Variants in ANKRD18A observed in about 807,000 individuals in gnomAD.
ANKRD18A encodes the protein ankyrin repeat domain 18A, also known as ankyrin repeat domain-containing protein 18A.
A neutral mutation model predicts 110.6 loss-of-function variants in ANKRD18A; 72 were observed. The observed-to-expected ratio is 0.65, with a 90% CI of 0.54 to 0.79. The LOEUF is 0.79. ANKRD18A is among the 30% of genes least tolerant of loss of function. The pLI is 0.00. For missense variants in ANKRD18A, 934 were observed against 1,163.3 expected, an observed-to-expected ratio of 0.80 and a Z score of 2.87; for synonymous variants, 305 against 410.3, an observed-to-expected ratio of 0.74 and a Z score of 3.10.
chr9:38,608,719 A>C (rs534940389), intron 5 of ANKRD18A, among the ~76,000 whole-genome samples: 48 of 147,192 alleles, frequency 3.3e-4, no homozygotes, highest in African/African-American at 1.2e-3. Context: ...TATAATAATT[A>C]TATAATATAT....
rs1185547814 is a variant in ANKRD18A at position 38,611,306 on chromosome 9, G to T, written c.511C>A (p.Leu171Ile). The T allele has an allele frequency of 6.6e-7, 1 of 1,525,714 alleles. No homozygotes were observed. The highest frequency in any genetic ancestry group is 8.8e-7 in the Non-Finnish European group (1 of 1,138,754). 94.5% of individuals were successfully genotyped at this position (1,525,714 alleles called of 1,614,324 possible). The change falls in exon 4 of 16, where the codon CTT becomes ATT. Residue 171 changes from leucine (L) to isoleucine (I), a missense_variant. Coordinates refer to ENST00000399703, the MANE Select transcript of ANKRD18A (RefSeq NM_147195.4). ...EALNKEGNTP[L>I]LFAINSRRQH... is the part of the protein sequence containing the mutation. ...CTCCTGGAATTTATAGCAAACAAAA[G>T]TGGAGTGTTTCCCTCCTGTAAGAAA...
At chr9:38,599,559 G>A (rs1156320851) in intron 8 of ANKRD18A, among the ~76,000 whole-genome samples, 2 of 151,894 alleles carry the variant, frequency 1.3e-5, no homozygotes, top group African/African-American at 4.8e-5. Context: ...CTGCCTCTCA[G>A]GTTCAAGCAA....
intron 12 of ANKRD18A, among the ~76,000 whole-genome samples, chr9:38,580,209 C>T (rs1340268854): frequency 6.6e-6 from 1 of 152,172 alleles, no homozygotes; most frequent in Non-Finnish European, 1.5e-5. Flanking sequence ...AGTTCCAGAG[C>T]AGCCTGAACA....
intron 1 of ANKRD18A, among the ~76,000 whole-genome samples, chr9:38,619,548 T>C (rs1015031841): frequency 6.6e-6 from 1 of 152,238 alleles, no homozygotes; most frequent in Non-Finnish European, 1.5e-5. Flanking sequence ...GTAAGATAGA[T>C]AGCAAGTGTC....
chr9:38,584,703 A>G lies in ANKRD18A; in HGVS notation c.2247+1480T>C, dbSNP rs1301975393. Among the ~76,000 whole-genome samples the G allele has an allele frequency of 2.0e-5, 3 of 152,312 alleles. No individual in the cohort carries two copies. In the East Asian group the frequency reaches 5.8e-4, roughly 29 times the overall value. ...TTTGTAAGGAAAAATATATACATAC[A>G]TATATTTTAAAGTATCTTTTTATTA... is the stretch of plus-strand genomic sequence containing the variant. On this transcript the variant is annotated intron_variant, in intron 12 of 15. Coordinates refer to ENST00000399703, the MANE Select transcript of ANKRD18A (RefSeq NM_147195.4).
chr9:38,566,740 TC>T (rs1185003316), downstream of ANKRD18A: 1 of 152,180 alleles, frequency 6.6e-6, no homozygotes, highest in African/African-American at 2.4e-5. Context: ...AATCTTTCAA[TC>T]TTTGTGCAAG....
intron 9 of ANKRD18A, 77 bp from the exon 10 acceptor site, chr9:38,593,986 A>G (rs1191291986): frequency 7.6e-7 from 1 of 1,323,644 alleles, no homozygotes; most frequent in East Asian, 2.8e-5. Flanking sequence ...TCTAGCATAC[A>G]TACTTTGAAA....
Position 38,620,118 on chromosome 9 carries a change from G to T in ANKRD18A, c.168C>A (p.Arg56=), listed in dbSNP as rs1487045761. 9 of 1,564,724 alleles carry T rather than the reference G, an allele frequency of 5.8e-6. No individual in the cohort carries two copies. Among genetic ancestry groups the T allele is most frequent in the Non-Finnish European group, 6.9e-6 (8 of 1,154,670 alleles). Residue 56 remains arginine, a synonymous_variant, in exon 1 of 16, where the codon CGC becomes CGA. Coordinates refer to ENST00000399703, the MANE Select transcript of ANKRD18A (RefSeq NM_147195.4). ...CGCGGGCGTCCAAGTCCCGGAACCT[G>T]CGCGTCAGGCAGCGCTCCACCTCCG... ...DAAEVERCLT[R]RFRDLDARDR...
At chr9:38,599,089 T>C (rs1480420682) in intron 8 of ANKRD18A, among the ~76,000 whole-genome samples, 1 of 152,232 alleles carries the variant, frequency 6.6e-6, no homozygotes, top group African/African-American at 2.4e-5. Flanking sequence ...AACAATTCTC[T>C]TTCTTCTTCT....
intron 8 of ANKRD18A, among the ~76,000 whole-genome samples, chr9:38,597,845 T>C (rs1450491478): frequency 2.6e-5 from 4 of 152,190 alleles, no homozygotes; most frequent in African/African-American, 9.6e-5. Context: ...ACGCTACTTA[T>C]ATGATAAAAT....
chr9:38,613,652 A>C (rs3124039), intron 3 of ANKRD18A, among the ~76,000 whole-genome samples: 87,553 of 152,014 alleles, frequency 0.58, 25,873 homozygotes, highest in African/African-American at 0.71. Context: ...TTATTAAAAG[A>C]ATTCCTATTG....
chr9:38,575,341 T>C, intron 15 of ANKRD18A, 135 bp downstream of exon 15: 1 of 954,526 alleles, frequency 1.0e-6, no homozygotes. Flanking sequence ...TTCCATTTCC[T>C]TTCTGTGTTA....
At chr9:38,597,782 A>G (rs1211105404) in intron 8 of ANKRD18A, among the ~76,000 whole-genome samples, 1 of 152,200 alleles carries the variant, frequency 6.6e-6, no homozygotes, top group African/African-American at 2.4e-5. Flanking sequence ...CATAACGTAC[A>G]GGACTCAGCC....
intron 10 of ANKRD18A, 40 bp downstream of exon 10, chr9:38,593,720 G>A: frequency 6.9e-7 from 1 of 1,442,078 alleles, no homozygotes; most frequent in Non-Finnish European, 9.1e-7. Flanking sequence ...TATTCAACCA[G>A]CTACAGATTA....
rs552794561 is a variant in ANKRD18A, at chr9:38,575,657, G to A, written c.2783C>T (p.Thr928Met). Residue 928 changes from threonine (T) to methionine (M), a missense_variant, in exon 15 of 16, where the codon ACG becomes ATG. By Grantham distance (81) the Thr-to-Met change is moderately conservative. This residue lies in a region of ANKRD18A where 223 missense variants were observed against 226.7 expected (regional missense o/e 0.98). Transcript: ENST00000399703. ...KIAVISTKLF[T>M]EKQRMKYFLS... ...AAAATATTTCATCCGCTGTTTCTCC[G>A]TAAAGAGCTTGGTGCTGATCACTGC... 7.3e-5 allele frequency: 114 copies of A among 1,551,664 alleles called. No individual in the cohort carries two copies. Among genetic ancestry groups the A allele is most frequent in the South Asian group, 1.9e-4 (16 of 84,034 alleles).
chr9:38,611,741 C>T (rs886840750), intron 3 of ANKRD18A, among the ~76,000 whole-genome samples: 2 of 152,046 alleles, frequency 1.3e-5, no homozygotes, highest in African/African-American at 4.8e-5. Flanking sequence ...TAAATTATTA[C>T]CTCTAGAGAA....
At position 38,620,303 on chromosome 9, in the gene ANKRD18A, C is replaced by A. The variant is rs914975477; in HGVS notation, c.-18G>T. On this transcript the variant is annotated 5_prime_UTR_variant, in exon 1 of 16. Transcript: ENST00000399703. ...TTCCTCATGGTGGCGACTTCTCAGA[C>A]GCCCACCACCCGCTCCTGAGCCGCG... 1.7e-5 allele frequency: 27 copies of A among 1,548,020 alleles called. No homozygotes were observed. The Admixed American group carries it at 5.1e-4, about 29-fold the overall frequency.
At chr9:38,583,586 C>T (rs1377756153) in intron 12 of ANKRD18A, among the ~76,000 whole-genome samples, 1 of 152,072 alleles carries the variant, frequency 6.6e-6, no homozygotes, top group Non-Finnish European at 1.5e-5. Context: ...GACAGGGTTT[C>T]ACCATGTTGG....
intron 12 of ANKRD18A, among the ~76,000 whole-genome samples, chr9:38,585,106 A>G (rs1824325202): frequency 1.3e-5 from 2 of 152,076 alleles, no homozygotes; most frequent in African/African-American, 4.8e-5. Flanking sequence ...ATGTAGCCCA[A>G]TCTCTCCCCT....
Sources: allele counts gnomAD v4.1 joint callset (sites outside exome capture counted in the v4.1 genomes callset), GRCh38; gene constraint gnomAD v4.1.1; regional missense constraint gnomAD v4.1.1; transcripts MANE v1.5; gene names NCBI Gene and HGNC (gene_info 2026-07-23, HGNC 2026-07-21).